ALPK2: variants seen among roughly 807,000 people sequenced by gnomAD.
ALPK2 encodes the protein alpha kinase 2.
In ALPK2, 127 loss-of-function variants were observed where a neutral mutation model predicts 163.1. That is an observed-to-expected ratio of 0.78 (90% confidence interval 0.67 to 0.90). ALPK2 has a LOEUF of 0.90. Ranked by LOEUF, ALPK2 falls within the 40% of genes least tolerant of loss-of-function variation. The pLI is 0.00. For synonymous variants in ALPK2, 953 were observed against 959.1 expected, an observed-to-expected ratio of 0.99 and a Z score of 0.12; for missense variants, 2,360 against 2,589.6, an observed-to-expected ratio of 0.91 and a Z score of 1.92.
intron 10 of ALPK2, among the ~76,000 whole-genome samples, chr18:58,509,135 T>G (rs2051476583): frequency 6.7e-6 from 1 of 149,050 alleles, no homozygotes; most frequent in East Asian, 2.0e-4. Context: ...ACATGTGGTG[T>G]TTGGTTTTTT....
At chr18:58,563,071 A>G (rs2051833264) in intron 4 of ALPK2, among the ~76,000 whole-genome samples, 1 of 152,218 alleles carries the variant, frequency 6.6e-6, no homozygotes, top group Non-Finnish European at 1.5e-5. Flanking sequence ...CCCTGGGGGA[A>G]TTTGGCAGCT....
intron 5 of ALPK2, among the ~76,000 whole-genome samples, chr18:58,531,935 CAAAAAAA>C (rs35957271): frequency 0.079 from 3,928 of 49,454 alleles, 46 homozygotes; most frequent in Non-Finnish European, 0.089. Flanking sequence ...GGCTCCGTCT[CAAAAAAA>C]AAAAAAAAAA....
At chr18:58,556,605 T>G (rs1461151942) in intron 4 of ALPK2, among the ~76,000 whole-genome samples, 1 of 152,156 alleles carries the variant, frequency 6.6e-6, no homozygotes, top group Non-Finnish European at 1.5e-5. Context: ...GTGGGGCATA[T>G]TTAATCCTTT....
intron 4 of ALPK2, among the ~76,000 whole-genome samples, chr18:58,569,437 G>A (rs1448389159): frequency 6.6e-6 from 1 of 152,174 alleles, no homozygotes; most frequent in Non-Finnish European, 1.5e-5. Context: ...ATCTGAGAAG[G>A]ATCCTATACT....
intron 11 of ALPK2, among the ~76,000 whole-genome samples, chr18:58,501,533 C>T (rs1414578953): frequency 6.6e-6 from 1 of 152,132 alleles, no homozygotes. Flanking sequence ...GAGGAAGAAC[C>T]GTACACATAC....
chr18:58,514,868 C>T (rs986947265), intron 10 of ALPK2, 125 bp downstream of exon 10: 4 of 500,324 alleles, frequency 8.0e-6, no homozygotes, highest in African/African-American at 2.0e-5. Context: ...CGTGTGAGCC[C>T]TCATGGAGCT....
chr18:58,581,294 T>G (rs569767222), intron 3 of ALPK2, among the ~76,000 whole-genome samples: 1 of 152,326 alleles, frequency 6.6e-6, no homozygotes, highest in African/African-American at 2.4e-5. Flanking sequence ...AGGGTGTCAT[T>G]CTTGCTAGAG....
intron 3 of ALPK2, among the ~76,000 whole-genome samples, chr18:58,594,985 C>T (rs2052033801): frequency 6.6e-6 from 1 of 152,196 alleles, no homozygotes. Flanking sequence ...AAAATGTCAT[C>T]ACATCTCTGT....
chr18:58,607,189 C>T, intron 3 of ALPK2, 133 bp downstream of exon 3: 2 of 565,440 alleles, frequency 3.5e-6, no homozygotes, highest in South Asian at 3.5e-5. Context: ...TTGGCAGATG[C>T]CTGCCAATGG....
chr18:58,522,518 G>A (rs575101637), intron 8 of ALPK2, among the ~76,000 whole-genome samples: 1 of 152,338 alleles, frequency 6.6e-6, no homozygotes, highest in Admixed American at 6.5e-5. Context: ...ATGAGCAGCA[G>A]TGTTAGGCTG....
At chr18:58,489,360 A>T (rs1487910509) in intron 12 of ALPK2, among the ~76,000 whole-genome samples, 2 of 152,168 alleles carry the variant, frequency 1.3e-5, no homozygotes, top group Non-Finnish European at 2.9e-5. Context: ...AAATTCTGTG[A>T]TGTAAATGCT....
intron 12 of ALPK2, among the ~76,000 whole-genome samples, chr18:58,496,480 T>G (rs2051401731): frequency 6.6e-6 from 1 of 152,156 alleles, no homozygotes; most frequent in Non-Finnish European, 1.5e-5. Context: ...ACTGGAAGCT[T>G]TGTGCAATCG....
At chr18:58,568,901 T>A (rs553187768) in intron 4 of ALPK2, among the ~76,000 whole-genome samples, 14 of 152,194 alleles carry the variant, frequency 9.2e-5, no homozygotes, top group Non-Finnish European at 1.3e-4. Flanking sequence ...CCCCTACAGA[T>A]ACCAAGAGAC....
Position 58,545,851 on chromosome 18 carries a change from C to T in ALPK2, c.1963-7627G>A, listed in dbSNP as rs191882800. The stretch of plus-strand genomic sequence containing the variant: ...TTTAAATGAGACCTTCCCCTCTCTC[C>T]AGCCATTCTGGGCTGTTGTAGCCTC... On this transcript the variant is annotated intron_variant, in intron 4 of 12. Transcript: ENST00000361673. Among the ~76,000 whole-genome samples the T allele has an allele frequency of 3.2e-3, 485 of 152,302 alleles. 2 individuals are homozygous for T. Among genetic ancestry groups the T allele is most frequent in the African/African-American group, 0.011 (458 of 41,562 alleles).
At chr18:58,542,219 G>A (rs2051693509) in intron 4 of ALPK2, among the ~76,000 whole-genome samples, 1 of 152,206 alleles carries the variant, frequency 6.6e-6, no homozygotes, top group Admixed American at 6.5e-5. Flanking sequence ...TAGCTTCTCT[G>A]ACCCTCTGTC....
At chr18:58,616,675 G>A (rs1003861154) in intron 1 of ALPK2, among the ~76,000 whole-genome samples, 2 of 152,200 alleles carry the variant, frequency 1.3e-5, no homozygotes, top group Non-Finnish European at 2.9e-5. Context: ...GGGGACAGAA[G>A]CTCCTGCAAA....
intron 12 of ALPK2, among the ~76,000 whole-genome samples, chr18:58,485,030 C>T (rs912405895): frequency 1.3e-5 from 2 of 152,114 alleles, no homozygotes; most frequent in Non-Finnish European, 2.9e-5. Flanking sequence ...CAGTACAAAA[C>T]GAAAACAGGC....
At chr18:58,519,723 A>C (rs2051539852) in intron 8 of ALPK2, among the ~76,000 whole-genome samples, 1 of 152,224 alleles carries the variant, frequency 6.6e-6, no homozygotes, top group African/African-American at 2.4e-5. Context: ...CTGGAGTTCT[A>C]GGTGGAACTT....
chr18:58,531,985 G>A (rs957742376), intron 5 of ALPK2, among the ~76,000 whole-genome samples: 25 of 149,464 alleles, frequency 1.7e-4, no homozygotes, highest in African/African-American at 5.9e-4. Flanking sequence ...TCAAGGGCTG[G>A]CCCTCTGAAT....
Sources: gnomAD v4.1 joint callset for allele counts (sites outside exome capture counted in the v4.1 genomes callset) on GRCh38, gnomAD v4.1.1 for gene constraint, MANE v1.5 for transcripts, NCBI Gene and HGNC (gene_info 2026-07-23, HGNC 2026-07-21) for gene names.